UGT1A4: variants seen among roughly 807,000 people sequenced by gnomAD.
UGT1A4 encodes UDP glucuronosyltransferase family 1 member A4.
A neutral mutation model predicts 41.1 loss-of-function variants in UGT1A4; 32 were observed. That is an observed-to-expected ratio of 0.78 (90% CI 0.59 to 1.05). The LOEUF (loss-of-function observed/expected upper bound fraction) is 1.05. Among genes scored for constraint, UGT1A4 ranks in the 50% least tolerant of loss-of-function variants. UGT1A4 has a pLI of 0.00. For synonymous variants in UGT1A4, 283 were observed against 265.1 expected, an observed-to-expected ratio of 1.07 and a Z score of -0.66; for missense variants, 748 against 677.4, an observed-to-expected ratio of 1.10 and a Z score of -1.16.
chr2:233,744,039 G>T, intron 1 of UGT1A4: 2 of 770,652 alleles, frequency 2.6e-6, no homozygotes, highest in Non-Finnish European at 3.6e-6. Context: ...TTATGACGCA[G>T]CCACATCTCA....
chr2:233,768,011 A>C lies in UGT1A4; in HGVS notation c.1087+75A>C, dbSNP rs1159299269. On this transcript the variant is annotated intron_variant, in intron 3 of 4. Coordinates refer to ENST00000373409, the MANE Select transcript of UGT1A4 (RefSeq NM_007120.3). ...AAATGGCTTAAGCACAGCTATTCTA[A>C]AGGATTGTTGAGCTTGAAAATATTA... 8 of 1,613,860 alleles carry C rather than the reference A, an allele frequency of 5.0e-6. No individual in the cohort carries two copies. In the East Asian group the frequency reaches 1.8e-4, roughly 36 times the overall value.
intron 1 of UGT1A4, among the ~76,000 whole-genome samples, chr2:233,739,419 C>T (rs1027033873): frequency 2.0e-5 from 3 of 152,176 alleles, no homozygotes; most frequent in African/African-American, 4.8e-5. Flanking sequence ...TGAAAGCAGC[C>T]AGGACGAGGG....
intron 1 of UGT1A4, among the ~76,000 whole-genome samples, chr2:233,733,838 T>C (rs1373301962): frequency 1.3e-5 from 2 of 152,026 alleles, no homozygotes; most frequent in Non-Finnish European, 2.9e-5. Context: ...TTAGGGAGGA[T>C]TCCCTCTTTT....
At chr2:233,755,785 T>A (rs1696021377) in intron 1 of UGT1A4, 1 of 152,588 alleles carries the variant, frequency 6.6e-6, no homozygotes, top group Non-Finnish European at 1.5e-5. Flanking sequence ...ATGCCTATCA[T>A]ATGTACTGCA....
At chr2:233,755,334 C>A (rs1041656249) in intron 1 of UGT1A4, 2 of 456,396 alleles carry the variant, frequency 4.4e-6, no homozygotes, top group Non-Finnish European at 7.5e-6. Flanking sequence ...AGCACCCGCG[C>A]ACAGGTCAGA....
chr2:233,729,424 T>C lies in UGT1A4; in HGVS notation c.867+9737T>C, dbSNP rs371703949. 59 of 1,613,782 alleles carry C rather than the reference T, an allele frequency of 3.7e-5. No homozygotes were observed. The highest frequency in any genetic ancestry group is 4.8e-5 in the Non-Finnish European group (57 of 1,179,838). ...CCATGTGCTGGGCCACACTCAACTGTACTTTGAAACAGAACATTTTCTGAA... is the reference window on the plus strand; with the variant it reads ...CCATGTGCTGGGCCACACTCAACTGCACTTTGAAACAGAACATTTTCTGAA... On this transcript the variant is annotated intron_variant, in intron 1 of 4. Coordinates refer to ENST00000373409, the MANE Select transcript of UGT1A4 (RefSeq NM_007120.3).
intron 4 of UGT1A4, 74 bp from the exon 5 acceptor site, chr2:233,772,188 C>A (rs1559419594): frequency 1.1e-5 from 17 of 1,595,306 alleles, no homozygotes; most frequent in Middle Eastern, 2.0e-4. Context: ...TCTTCTTAAG[C>A]AGCCATGAGC....
chr2:233,763,116 C>G lies in UGT1A4; in HGVS notation c.868-3918C>G, dbSNP rs565550780. On this transcript the variant is annotated intron_variant, in intron 1 of 4. Transcript: ENST00000373409. ...GAGAGGCACCGAACTTTATCAGCTG[C>G]CTTTCTGGCATTTATTGATATAACC... Among the ~76,000 whole-genome samples, 8 of 152,296 alleles carry G rather than the reference C, an allele frequency of 5.3e-5. No individual in the cohort carries two copies. The South Asian group carries it at 8.3e-4, about 16-fold the overall frequency.
At chr2:233,758,716 G>T (rs905449123) in intron 1 of UGT1A4, among the ~76,000 whole-genome samples, 10 of 152,140 alleles carry the variant, frequency 6.6e-5, no homozygotes, top group African/African-American at 2.4e-4. Context: ...GTTTCTCTAT[G>T]ATCCTCTAAG....
chr2:233,728,996 G>T, intron 1 of UGT1A4: 1 of 1,557,110 alleles, frequency 6.4e-7, no homozygotes, highest in East Asian at 2.3e-5. Context: ...TTAACTAGAG[G>T]AGGGCACTCT....
At chr2:233,719,800 G>A (rs528409094) in intron 1 of UGT1A4, 113 bp downstream of exon 1, 47 of 1,602,562 alleles carry the variant, frequency 2.9e-5, no homozygotes, top group South Asian at 6.7e-5. Flanking sequence ...TTTTATTTTG[G>A]CTTCTTTATA....
rs1559364102 is a variant in UGT1A4 at position 233,719,030 on chromosome 2, A to G, written c.210A>G (p.Lys70=). The change falls in exon 1 of 5, where the codon AAA becomes AAG. Residue 70 remains lysine (K), a synonymous_variant. Transcript: ENST00000373409. ...VLTPEVNMHI[K]EEKFFTLTAY... ...CCCCAGAGGTGAATATGCACATCAA[A>G]GAAGAGAAATTTTTCACCCTGACAG... is the stretch of plus-strand genomic sequence containing the variant. The G allele has an allele frequency of 6.2e-7, 1 of 1,614,246 alleles. No homozygotes were observed. Among genetic ancestry groups the G allele is most frequent in the Non-Finnish European group, 8.5e-7 (1 of 1,180,032 alleles).
intron 1 of UGT1A4, among the ~76,000 whole-genome samples, chr2:233,735,057 C>A (rs1430672120): frequency 1.3e-5 from 2 of 152,160 alleles, no homozygotes; most frequent in African/African-American, 4.8e-5. Flanking sequence ...GAGTTCAGGT[C>A]CTGGATATCC....
chr2:233,734,728 G>A (rs893989156), intron 1 of UGT1A4, among the ~76,000 whole-genome samples: 13 of 150,534 alleles, frequency 8.6e-5, no homozygotes, highest in African/African-American at 3.2e-4. Flanking sequence ...TGTTCTCGTC[G>A]GTTTCAAAGA....
At chr2:233,730,412 A>G (rs2078028510) in intron 1 of UGT1A4, among the ~76,000 whole-genome samples, 1 of 152,204 alleles carries the variant, frequency 6.6e-6, no homozygotes, top group Non-Finnish European at 1.5e-5. Flanking sequence ...AATTGTTGAC[A>G]TGATAATTTT....
At chr2:233,730,105 C>T (rs1305477066) in intron 1 of UGT1A4, 1 of 1,574,650 alleles carries the variant, frequency 6.4e-7, no homozygotes, top group Non-Finnish European at 8.6e-7. Context: ...TATTTCATTT[C>T]TGCTTCTCCT....
chr2:233,719,734 T>C lies in UGT1A4; in HGVS notation c.867+47T>C, dbSNP rs370386346. 2.0e-5 allele frequency: 32 copies of C among 1,613,416 alleles called. 1 individual carries two copies. The East Asian group carries it at 2.7e-4, about 13-fold the overall frequency. On this transcript the variant is annotated intron_variant, in intron 1 of 4. Transcript: ENST00000373409. Reference sequence around the variant, plus strand: ...CAATCAATGTTCCAGGCAAAACACTTTTTAAAAAATGTATTTACTTACAAG... The same window carrying C: ...CAATCAATGTTCCAGGCAAAACACTCTTTAAAAAATGTATTTACTTACAAG...
At position 233,768,395 on chromosome 2, in the gene UGT1A4, T is replaced by A; in HGVS notation, c.1263T>A (p.Ser421=). 1 of 1,614,130 alleles carries A rather than the reference T, an allele frequency of 6.2e-7. No individual in the cohort carries two copies. Among genetic ancestry groups the A allele is most frequent in the Non-Finnish European group, 8.5e-7 (1 of 1,180,032 alleles). Residue 421 remains serine, a synonymous_variant, in exon 4 of 5, where the codon TCT becomes TCA. Coordinates refer to ENST00000373409, the MANE Select transcript of UGT1A4 (RefSeq NM_007120.3). The part of the protein sequence containing the change: ...GVTLNVLEMT[S]EDLENALKAV... ...CCCTGAATGTTCTGGAAATGACTTC[T>A]GAAGATTTAGAAAATGCTCTAAAAG... is the stretch of plus-strand genomic sequence containing the variant.
At chr2:233,765,155 C>T (rs1463454696) in intron 1 of UGT1A4, among the ~76,000 whole-genome samples, 1 of 152,176 alleles carries the variant, frequency 6.6e-6, no homozygotes, top group East Asian at 1.9e-4. Flanking sequence ...TCCTAGGGAA[C>T]CCCTCAGTTT....
Sources: allele counts gnomAD v4.1 joint callset (sites outside exome capture counted in the v4.1 genomes callset), GRCh38; gene constraint gnomAD v4.1.1; transcripts MANE v1.5; gene names NCBI Gene and HGNC (gene_info 2026-07-23, HGNC 2026-07-21).